The following GCNT1 variants were observed in gnomAD, a reference collection of about 807,000 sequenced individuals.
GCNT1 encodes beta-1,3-galactosyl-O-glycosyl-glycoprotein beta-1,6-N-acetylglucosaminyltransferase.
A neutral mutation model predicts 26.2 loss-of-function variants in GCNT1; 16 were observed. The observed-to-expected ratio is 0.61, with a 90% confidence interval of 0.41 to 0.93. The LOEUF (loss-of-function observed/expected upper bound fraction) is 0.93, where lower values mean the gene tolerates loss of function less well. Among genes scored for constraint, GCNT1 ranks in the 40% least tolerant of loss-of-function variants. The pLI is 0.00. For synonymous variants in GCNT1, 183 were observed against 190.8 expected (o/e 0.96, Z 0.34); for missense variants, 477 against 526.7 (o/e 0.91, Z 0.92).
chr9:76,445,640 G>A (rs991779110), intron 1 of GCNT1, among the ~76,000 whole-genome samples: 2 of 150,450 alleles, frequency 1.3e-5, no homozygotes, highest in African/African-American at 2.5e-5. Flanking sequence ...CGATCCTCCC[G>A]CCTTGGCCTC....
At chr9:76,444,128 G>A (rs1823534487) in intron 1 of GCNT1, among the ~76,000 whole-genome samples, 1 of 152,126 alleles carries the variant, frequency 6.6e-6, no homozygotes, top group South Asian at 2.1e-4. Context: ...GAGAAAAGTG[G>A]GAGAAGCAGG....
At chr9:76,494,191 G>C (rs769590997) in intron 2 of GCNT1, among the ~76,000 whole-genome samples, 3 of 152,128 alleles carry the variant, frequency 2.0e-5, no homozygotes, top group Non-Finnish European at 4.4e-5. Flanking sequence ...ACCGAGGAAG[G>C]TCAGATTTAG....
Position 76,502,643 on chromosome 9 carries a change from T to C in GCNT1, c.262T>C (p.Trp88Arg). Reference protein sequence around the residue: ...LTVKFKKRPRWTPDDYINMTS... With the variant: ...LTVKFKKRPRRTPDDYINMTS... ...AGTGAAATTTAAAAAGCGCCCTCGGTGGACACCTGACGACTATATAAACAT... is the reference window on the plus strand; with the variant it reads ...AGTGAAATTTAAAAAGCGCCCTCGGCGGACACCTGACGACTATATAAACAT... Residue 88 changes from tryptophan to arginine, a missense_variant, in exon 4 of 4, where the codon TGG (tryptophan) becomes CGG (arginine). Physicochemically the swap from Trp to Arg is moderately radical, Grantham distance 101. Transcript: ENST00000376730. 2 of 1,614,126 alleles carry C rather than the reference T, an allele frequency of 1.2e-6. No homozygotes were observed. The highest frequency in any genetic ancestry group is 2.2e-5 in the South Asian group (2 of 91,086).
At chr9:76,394,123 C>T in the GCNT1 span, 8 of 1,609,536 alleles carry the variant, frequency 5.0e-6, no homozygotes, top group South Asian at 8.9e-5. Context: ...GAGCCGCGGC[C>T]GAAGCCCCGC....
chr9:76,415,966 C>T (rs1309237346), upstream of GCNT1, among the ~76,000 whole-genome samples: 1 of 152,114 alleles, frequency 6.6e-6, no homozygotes, highest in Non-Finnish European at 1.5e-5. Context: ...TTGATATGGA[C>T]AGGAGGCAGG....
At chr9:76,429,353 T>C (rs1392471348) in intron 1 of GCNT1, among the ~76,000 whole-genome samples, 2 of 152,214 alleles carry the variant, frequency 1.3e-5, no homozygotes, top group South Asian at 2.1e-4. Flanking sequence ...GCATTGAGTA[T>C]ATGCATCTTT....
chr9:76,502,641 G>A lies in GCNT1; in HGVS notation c.260G>A (p.Arg87Gln), dbSNP rs375387461. The A allele has an allele frequency of 1.1e-5, 18 of 1,613,890 alleles. No homozygotes were observed. The highest frequency in any genetic ancestry group is 1.3e-5 in the African/African-American group (1 of 74,866). ...ACAGTGAAATTTAAAAAGCGCCCTC[G>A]GTGGACACCTGACGACTATATAAAC... is the stretch of plus-strand genomic sequence containing the variant. ...ILTVKFKKRPRWTPDDYINMT... is the reference protein window; with the variant it reads ...ILTVKFKKRPQWTPDDYINMT... Residue 87 changes from arginine (R) to glutamine (Q), a missense_variant, in exon 4 of 4, where the codon CGG (arginine) becomes CAG (glutamine). Physicochemically the swap from Arg to Gln is conservative, Grantham distance 43. Transcript: ENST00000376730.
chr9:76,443,024 T>A (rs1564225470), intron 1 of GCNT1, among the ~76,000 whole-genome samples: 1 of 151,586 alleles, frequency 6.6e-6, no homozygotes, highest in Non-Finnish European at 1.5e-5. Flanking sequence ...TGGCCCAAGG[T>A]GGTAGCAATG....
chr9:76,431,869 C>T (rs1259073979), intron 1 of GCNT1, among the ~76,000 whole-genome samples: 2 of 152,064 alleles, frequency 1.3e-5, no homozygotes, highest in Non-Finnish European at 2.9e-5. Flanking sequence ...CTGCACTTTG[C>T]GAGGCGAGGT....
chr9:76,460,064 T>G lies in GCNT1; in HGVS notation c.-403T>G, dbSNP rs1350252567. On this transcript the variant is annotated 5_prime_UTR_variant, in exon 2 of 4. Transcript: ENST00000376730. ...CTGCTTCTTTTCTCCTGGCAGCGCT[T>G]TCTGCGCAGCACAGGCACCCTCGCC... is the stretch of plus-strand genomic sequence containing the variant. The G allele has an allele frequency of 6.6e-6, 1 of 152,230 alleles. No individual in the cohort carries two copies. The highest frequency in any genetic ancestry group is 2.4e-5 in the African/African-American group (1 of 41,452). 9.4% of individuals were successfully genotyped at this position (152,230 alleles called of 1,614,324 possible). A position where few individuals can be genotyped will look rare whatever the true frequency, so the allele number is the denominator to read the frequency against.
At chr9:76,416,782 G>A (rs1177524626), upstream of GCNT1, among the ~76,000 whole-genome samples, 1 of 152,222 alleles carries the variant, frequency 6.6e-6, no homozygotes, top group Admixed American at 6.5e-5. Flanking sequence ...GATCTGGCTG[G>A]GTGCAGTGGC....
chr9:76,468,630 G>A (rs1395259710), intron 2 of GCNT1, among the ~76,000 whole-genome samples: 1 of 152,160 alleles, frequency 6.6e-6, no homozygotes, highest in Non-Finnish European at 1.5e-5. Flanking sequence ...TTCTTTTGTT[G>A]CCAGATACGT....
At chr9:76,471,404 A>T (rs1405249241) in intron 2 of GCNT1, among the ~76,000 whole-genome samples, 1 of 152,078 alleles carries the variant, frequency 6.6e-6, no homozygotes, top group African/African-American at 2.4e-5. Flanking sequence ...AGACCTAGTA[A>T]TTGCTCCCAG....
At chr9:76,396,962 A>G in the GCNT1 span, among the ~76,000 whole-genome samples, 3 of 151,924 alleles carry the variant, frequency 2.0e-5, no homozygotes, top group East Asian at 2.0e-4. Flanking sequence ...ACTCCAGCCT[A>G]ATGACAAAGC....
At chr9:76,497,601 G>A (rs1204261957) in intron 2 of GCNT1, among the ~76,000 whole-genome samples, 4 of 152,200 alleles carry the variant, frequency 2.6e-5, no homozygotes, top group Admixed American at 2.6e-4. Context: ...GGGCCATGTA[G>A]GATGTAGACG....
upstream of GCNT1, among the ~76,000 whole-genome samples, chr9:76,439,223 C>CTTTTTTTTTTTTTTTTTTTT (rs71499153): frequency 8.3e-6 from 1 of 120,124 alleles, no homozygotes. Context: ...TTTTCTTTTT[C>CTTTTTTTTTTTTTTTTTTTT]TTTTTTTTTT....
chr9:76,481,550 G>C (rs963512331), intron 2 of GCNT1, among the ~76,000 whole-genome samples: 4 of 151,714 alleles, frequency 2.6e-5, no homozygotes, highest in African/African-American at 9.7e-5. Flanking sequence ...ACATTGATTT[G>C]TATCAGTTAT....
chr9:76,450,743 C>T (rs751770248), intron 1 of GCNT1, among the ~76,000 whole-genome samples: 6 of 152,114 alleles, frequency 3.9e-5, no homozygotes, highest in South Asian at 2.1e-4. Context: ...CATATTTTTA[C>T]GTAAACACCC....
At chr9:76,418,477 G>A (rs1823151161), upstream of GCNT1, among the ~76,000 whole-genome samples, 1 of 152,186 alleles carries the variant, frequency 6.6e-6, no homozygotes, top group African/African-American at 2.4e-5. Context: ...GAGTGCCCTG[G>A]CTGAGAGGAG....
Sources: gnomAD v4.1 joint callset for allele counts (sites outside exome capture counted in the v4.1 genomes callset) on GRCh38, gnomAD v4.1.1 for gene constraint, MANE v1.5 for transcripts, NCBI Gene and HGNC (gene_info 2026-07-23, HGNC 2026-07-21) for gene names.